The following TBC1D13 variants were observed in gnomAD, a reference collection of about 807,000 sequenced individuals.
TBC1D13 encodes epididymis secretory sperm binding protein.
Under a neutral mutation model 53.6 loss-of-function variants are expected in TBC1D13, and 40 were observed. The observed-to-expected ratio is 0.75, with a 90% CI of 0.58 to 0.97. The LOEUF (loss-of-function observed/expected upper bound fraction) is 0.97. TBC1D13 is among the 50% of genes least tolerant of loss of function. TBC1D13 has a pLI of 0.00. For synonymous variants in TBC1D13, 182 were observed against 197.7 expected, an observed-to-expected ratio of 0.92 and a Z score of 0.67; for missense variants, 377 against 499.4, an observed-to-expected ratio of 0.75 and a Z score of 2.34.
intron 9 of TBC1D13, 25 bp from the exon 10 acceptor site, chr9:128,805,834 C>T: frequency 6.2e-7 from 1 of 1,608,314 alleles, no homozygotes; most frequent in Non-Finnish European, 8.5e-7. Flanking sequence ...AGTCATGCCC[C>T]CCACCCCCCA....
rs956027744 is a variant in TBC1D13, at chr9:128,808,188, G to A, written c.*309G>A. ...GCTGGCAGGGGCCCCTCCCTGCCTC[G>A]GCTCTGCCGCCCCAGCCTCAGTTCC... On this transcript the variant is annotated 3_prime_UTR_variant, in exon 12 of 12. Transcript: ENST00000372648. 5 of 389,910 alleles carry A rather than the reference G, an allele frequency of 1.3e-5. No individual in the cohort carries two copies. The highest frequency in any genetic ancestry group is 8.1e-5 in the African/African-American group (4 of 49,592). 24.2% of individuals were successfully genotyped at this position (389,910 alleles called of 1,614,324 possible). A position where few individuals can be genotyped will look rare whatever the true frequency, so the allele number is the denominator to read the frequency against.
At chr9:128,804,144 T>A (rs750036430) in intron 9 of TBC1D13, 25 bp downstream of exon 9, 2 of 1,610,632 alleles carry the variant, frequency 1.2e-6, no homozygotes, top group South Asian at 2.2e-5. Flanking sequence ...AACAGACGGG[T>A]GGAAAGGGAC....
At chr9:128,791,339 C>T (rs1302703060) in intron 3 of TBC1D13, 41 bp from the exon 4 acceptor site, 1 of 1,587,148 alleles carries the variant, frequency 6.3e-7, no homozygotes, top group Non-Finnish European at 8.7e-7. Flanking sequence ...GACGTTGGTG[C>T]AGGAGGGTCA....
intron 5 of TBC1D13, 114 bp downstream of exon 5, chr9:128,791,807 C>A: frequency 1.2e-6 from 1 of 824,798 alleles, no homozygotes; most frequent in East Asian, 2.6e-5. Flanking sequence ...GTGTCAGTCC[C>A]CTCTGGACCT....
rs1829825526 is a variant in TBC1D13 at position 128,806,002 on chromosome 9, C to T, written c.1062C>T (p.Val354=). Residue 354 remains valine (V), a synonymous_variant, in exon 10 of 12, where the codon GTC becomes GTT. Coordinates refer to ENST00000372648, the MANE Select transcript of TBC1D13 (RefSeq NM_018201.5). ...ACCGCTTTGACTTCCTCCTCCTCGT[C>T]TGCTGCGCCATGCTCATGTGAGTGC... The part of the protein sequence containing the change: ...DDNRFDFLLL[V]CCAMLMLIRE... The T allele has an allele frequency of 1.2e-6, 2 of 1,614,152 alleles. No individual in the cohort carries two copies. Among genetic ancestry groups the T allele is most frequent in the Non-Finnish European group, 1.7e-6 (2 of 1,180,002 alleles).
chr9:128,796,006 A>G (rs1181462180), intron 6 of TBC1D13, among the ~76,000 whole-genome samples: 1 of 152,236 alleles, frequency 6.6e-6, no homozygotes, highest in Non-Finnish European at 1.5e-5. Context: ...AATACACATA[A>G]AATGTGGGCA....
At chr9:128,788,545 T>G in intron 2 of TBC1D13, 138 bp downstream of exon 2, 2 of 704,806 alleles carry the variant, frequency 2.8e-6, no homozygotes, top group Non-Finnish European at 4.8e-6. Context: ...ACACAGACTC[T>G]TGGGGCCTTT....
chr9:128,787,275 G>A lies in TBC1D13; in HGVS notation c.-79G>A. 8.0e-7 allele frequency: 1 copy of A among 1,243,030 alleles called. No individual in the cohort carries two copies. The highest frequency in any genetic ancestry group is 1.0e-6 in the Non-Finnish European group (1 of 983,470). The allele number at this position is 1,243,030 out of a possible 1,614,324, so 77.0% of individuals were successfully genotyped here. On this transcript the variant is annotated 5_prime_UTR_variant, in exon 1 of 12. Transcript: ENST00000372648. ...TTTGCGCAGAGCCCCGCGTCCCTGG[G>A]GGGCGGCGGCGGCGGCGGCAGCGCA...
chr9:128,790,293 G>T (rs2132530611), intron 2 of TBC1D13, among the ~76,000 whole-genome samples: 1 of 144,696 alleles, frequency 6.9e-6, no homozygotes, highest in African/African-American at 2.5e-5. Flanking sequence ...TCCAGTCTAG[G>T]CTGGGTATGG....
chr9:128,806,885 A>G (rs1027458637), intron 11 of TBC1D13, among the ~76,000 whole-genome samples: 11 of 149,770 alleles, frequency 7.3e-5, no homozygotes, highest in African/African-American at 2.4e-4. Context: ...TGGAGGTTGC[A>G]GTGAGCCAAG....
At position 128,797,147 on chromosome 9, in the gene TBC1D13, G is replaced by A. The variant is rs1352327478; in HGVS notation, c.476G>A (p.Arg159His). ...LDPQNEFETL[R>H]KRVEQTTLKS... ...CCCCAGAATGAGTTTGAAACCCTTC[G>A]TAAGAGAGTGGAACAGACAACACTG... is the stretch of plus-strand genomic sequence containing the variant. Residue 159 changes from arginine (R) to histidine (H), a missense_variant, in exon 7 of 12, where the codon CGT (arginine) becomes CAT (histidine). By Grantham distance (29) the Arg-to-His change is conservative. Transcript: ENST00000372648. 6.2e-7 allele frequency: 1 copy of A among 1,614,026 alleles called. No individual in the cohort carries two copies.
chr9:128,804,568 G>C (rs1381884666), intron 9 of TBC1D13, among the ~76,000 whole-genome samples: 1 of 151,468 alleles, frequency 6.6e-6, no homozygotes, highest in Admixed American at 6.6e-5. Context: ...CACTGTGCCC[G>C]GCTAATTTTT....
At chr9:128,796,890 C>T (rs1241734945) in intron 6 of TBC1D13, among the ~76,000 whole-genome samples, 165 bp from the exon 7 acceptor site, 1 of 152,000 alleles carries the variant, frequency 6.6e-6, no homozygotes, top group Non-Finnish European at 1.5e-5. Context: ...GAGCAGAGAT[C>T]GCTCCACTGC....
intron 7 of TBC1D13, among the ~76,000 whole-genome samples, chr9:128,798,299 A>G (rs1044991683): frequency 6.6e-6 from 1 of 151,900 alleles, no homozygotes; most frequent in African/African-American, 2.4e-5. Context: ...AGGAGGGCAT[A>G]TGCCGAAGTC....
chr9:128,797,541 G>A (rs1017058928), intron 7 of TBC1D13, among the ~76,000 whole-genome samples: 2 of 152,182 alleles, frequency 1.3e-5, no homozygotes, highest in African/African-American at 2.4e-5. Context: ...AGTGGTTCAC[G>A]CCTGTAATCC....
At position 128,808,545 on chromosome 9, in the gene TBC1D13, CCA is replaced by C. The variant is rs1449531058; in HGVS notation, c.*667_*668del. The C allele has an allele frequency of 6.4e-6, 1 of 157,348 alleles. No homozygotes were observed. The highest frequency in any genetic ancestry group is 2.4e-5 in the African/African-American group (1 of 41,356). The allele number at this position is 157,348 out of a possible 1,614,324, so 9.7% of individuals were successfully genotyped here. On this transcript the variant is annotated 3_prime_UTR_variant, in exon 12 of 12. Transcript: ENST00000372648. ...CTGCCTGTCTCCTTCCACCTCCTTC[CCA>C]GAGTGGGACTGTGTCTTGCTTCATG...
At chr9:128,798,856 A>C (rs749773661) in intron 7 of TBC1D13, among the ~76,000 whole-genome samples, 1 of 152,086 alleles carries the variant, frequency 6.6e-6, no homozygotes, top group Non-Finnish European at 1.5e-5. Flanking sequence ...CTGGGGAATG[A>C]CTTTGTTTTT....
At position 128,807,867 on chromosome 9, in the gene TBC1D13, A is replaced by G. The variant is rs1420290560; in HGVS notation, c.1191A>G (p.Gln397=). 6.2e-7 allele frequency: 1 copy of G among 1,614,052 alleles called. No homozygotes were observed. The highest frequency in any genetic ancestry group is 1.3e-5 in the African/African-American group (1 of 74,924). The part of the protein sequence containing the change: ...CQILQKAKEL[Q]DSK ...TCCTGCAGAAAGCCAAGGAGCTCCAAGACTCAAAGTAGCCCGGCGGCAAGA... is the reference window on the plus strand; with the variant it reads ...TCCTGCAGAAAGCCAAGGAGCTCCAGGACTCAAAGTAGCCCGGCGGCAAGA... The change falls in exon 12 of 12, where the codon CAA becomes CAG. Residue 397 remains glutamine (Q), a synonymous_variant. Coordinates refer to ENST00000372648, the MANE Select transcript of TBC1D13 (RefSeq NM_018201.5).
chr9:128,808,221 G>GC lies in TBC1D13; in HGVS notation c.*342_*343insC. The GC allele has an allele frequency of 3.0e-6, 1 of 338,220 alleles. No homozygotes were observed. The highest frequency in any genetic ancestry group is 5.7e-6 in the Non-Finnish European group (1 of 174,148). 21.0% of individuals were successfully genotyped at this position (338,220 alleles called of 1,614,324 possible). On this transcript the variant is annotated 3_prime_UTR_variant, in exon 12 of 12. Coordinates refer to ENST00000372648, the MANE Select transcript of TBC1D13 (RefSeq NM_018201.5). ...CGCCCCAGCCTCAGTTCCTGCTTCT[G>GC]GTCTTCTCCTGGGCTCCACTCAGGG...
Sources: allele counts gnomAD v4.1 joint callset (sites outside exome capture counted in the v4.1 genomes callset), GRCh38; gene constraint gnomAD v4.1.1; transcripts MANE v1.5; gene names NCBI Gene and HGNC (gene_info 2026-07-23, HGNC 2026-07-21).